The following MYO10 variants were observed in gnomAD, a reference collection of about 807,000 sequenced individuals.
The protein encoded by MYO10 is unconventional myosin-X.
In MYO10, 133 loss-of-function variants were observed where a neutral mutation model predicts 257.3. The ratio of observed to expected loss-of-function variants is 0.52; its 90% CI spans 0.45 to 0.60. MYO10 has a LOEUF of 0.60. Among genes scored for constraint, MYO10 ranks in the 20% least tolerant of loss-of-function variants. The pLI is 0.00. For synonymous variants in MYO10, 1,104 were observed against 1,028.6 expected, an observed-to-expected ratio of 1.07 and a Z score of -1.40; for missense variants, 2,399 against 2,635.7, an observed-to-expected ratio of 0.91 and a Z score of 1.97.
intron 3 of MYO10, among the ~76,000 whole-genome samples, chr5:16,816,337 CA>C (rs369557076): frequency 0.65 from 69,115 of 106,008 alleles, 21,522 homozygotes; most frequent in Non-Finnish European, 0.73. Context: ...GACTCTGTCT[CA>C]AAAAAAAAAA....
intron 1 of MYO10, among the ~76,000 whole-genome samples, chr5:16,878,188 G>A (rs996878119): frequency 6.6e-6 from 1 of 152,112 alleles, no homozygotes; most frequent in Non-Finnish European, 1.5e-5. Context: ...AGAAACTAAT[G>A]GCTCCCATTC....
intron 3 of MYO10, among the ~76,000 whole-genome samples, chr5:16,806,601 T>C (rs1011174431): frequency 1.3e-5 from 2 of 150,024 alleles, no homozygotes; most frequent in South Asian, 2.1e-4. Flanking sequence ...TGAGCCAAGA[T>C]AGTGCCACTG....
At chr5:16,935,667 A>T (rs1235397908) in intron 1 of MYO10, 121 bp downstream of exon 1, 3 of 1,151,594 alleles carry the variant, frequency 2.6e-6, no homozygotes, top group African/African-American at 3.1e-5. Flanking sequence ...TGATTTCAGG[A>T]GACTCCCAGA....
chr5:16,726,818 G>A (rs557380992), intron 19 of MYO10, among the ~76,000 whole-genome samples: 1 of 152,136 alleles, frequency 6.6e-6, no homozygotes, highest in Admixed American at 6.6e-5. Context: ...TAGAGTGAGG[G>A]CTTGTAAACC....
chr5:16,794,699 G>A lies in MYO10; in HGVS notation c.414C>T (p.Asn138=), dbSNP rs376012164. Residue 138 remains asparagine (N), a synonymous_variant, in exon 4 of 41, where the codon AAC becomes AAT. Transcript: ENST00000513610. ...ELPPHIFAIA[N]ECYRCLWKRH... ...GCTTCCACAGGCAGCGGTAGCACTC[G>A]TTGGCGATGGCGAAGATGTGCGGGG... The A allele has an allele frequency of 3.3e-5, 54 of 1,613,436 alleles. No homozygotes were observed. Among genetic ancestry groups the A allele is most frequent in the African/African-American group, 3.2e-4 (24 of 74,922 alleles).
intron 19 of MYO10, among the ~76,000 whole-genome samples, chr5:16,743,408 C>T (rs1418981382): frequency 6.6e-6 from 1 of 152,040 alleles, no homozygotes; most frequent in African/African-American, 2.4e-5. Flanking sequence ...TTTGGGAGGC[C>T]GAGGTGAGTG....
intron 1 of MYO10, among the ~76,000 whole-genome samples, chr5:16,899,628 CAA>C (rs370278252): frequency 1.6e-5 from 2 of 123,360 alleles, no homozygotes; most frequent in Non-Finnish European, 1.7e-5. Flanking sequence ...AACTCAGTTT[CAA>C]AAAAAAAAAA....
Position 16,881,403 on chromosome 5 carries a change from C to T in MYO10, c.22-3696G>A, listed in dbSNP as rs547807054. 1.7e-4 allele frequency among the ~76,000 whole-genome samples: 26 copies of T among 152,268 alleles called. 1 individual carries two copies. In the South Asian group the frequency reaches 5.2e-3, roughly 30 times the overall value. The stretch of plus-strand genomic sequence containing the variant: ...AAGTACTACAAAAGCCCTTTGTTGA[C>T]ACAGTGCTTTATGATCAAATACACA... On this transcript the variant is annotated intron_variant, in intron 1 of 40. Transcript: ENST00000513610.
intron 2 of MYO10, among the ~76,000 whole-genome samples, chr5:16,825,224 T>A (rs185811760): frequency 1.3e-5 from 2 of 152,306 alleles, no homozygotes; most frequent in South Asian, 2.1e-4. Context: ...TCAAATGCTA[T>A]CCTCTCGGAA....
At position 16,683,928 on chromosome 5, in the gene MYO10, A is replaced by T; in HGVS notation, c.3998T>A (p.Leu1333Ter). Reference sequence around the variant, plus strand: ...CACAGAATCAATCAGCCCCACATCCAAGGTGCCCTGGAAAAGAACAAAAAG... The same window carrying T: ...CACAGAATCAATCAGCCCCACATCCTAGGTGCCCTGGAAAAGAACAAAAAG... ...QANPQNAVGTLDVGLIDSVCA... is the reference protein window; with the variant it reads ...QANPQNAVGT Residue 1333 changes from leucine to a stop codon, truncating the protein, a stop_gained, in exon 30 of 41, where the codon TTG (leucine) becomes TAG (stop). Coordinates refer to ENST00000513610, the MANE Select transcript of MYO10 (RefSeq NM_012334.3). LOFTEE classifies it high-confidence loss of function. 1 of 1,613,610 alleles carries T rather than the reference A, an allele frequency of 6.2e-7. No individual in the cohort carries two copies. Among genetic ancestry groups the T allele is most frequent in the Non-Finnish European group, 8.5e-7 (1 of 1,179,758 alleles).
Position 16,853,806 on chromosome 5 carries a change from G to A in MYO10, c.120+23803C>T, listed in dbSNP as rs571644887. On this transcript the variant is annotated intron_variant, in intron 2 of 40. Transcript: ENST00000513610. ...GAGCGGGTCCACACTGTCTACGTAAGTGTGTTCATCAAACCTCTGCTTTCA... is the reference window on the plus strand; with the variant it reads ...GAGCGGGTCCACACTGTCTACGTAAATGTGTTCATCAAACCTCTGCTTTCA... 2.6e-5 allele frequency among the ~76,000 whole-genome samples: 4 copies of A among 152,280 alleles called. No individual in the cohort carries two copies. The South Asian group carries it at 8.3e-4, about 32-fold the overall frequency.
At chr5:16,809,190 C>A (rs1201636901) in intron 3 of MYO10, among the ~76,000 whole-genome samples, 1 of 151,184 alleles carries the variant, frequency 6.6e-6, no homozygotes, top group Non-Finnish European at 1.5e-5. Context: ...GCCAAAAAAA[C>A]CCAGAAAGTC....
intron 1 of MYO10, among the ~76,000 whole-genome samples, chr5:16,925,511 A>G (rs1561063214): frequency 6.6e-6 from 1 of 152,054 alleles, no homozygotes; most frequent in Non-Finnish European, 1.5e-5. Flanking sequence ...CCTGGGTTCA[A>G]GCAATTCTCC....
intron 19 of MYO10, among the ~76,000 whole-genome samples, chr5:16,745,631 C>T (rs528655512): frequency 7.2e-5 from 11 of 151,956 alleles, no homozygotes; most frequent in Non-Finnish European, 1.2e-4. Context: ...AAGGCTTCTG[C>T]GAGTTATGAT....
In MYO10 at chr5:16,666,599, T is replaced by A; in HGVS notation, c.*93A>T. ...CTTCCAGAAAGCCTGGGCAGCTCTG[T>A]GTTTGTTTTGGCTGGGCATGGCACA... On this transcript the variant is annotated 3_prime_UTR_variant, in exon 41 of 41. Transcript: ENST00000513610. The A allele has an allele frequency of 9.7e-7, 1 of 1,026,456 alleles. No homozygotes were observed. Among genetic ancestry groups the A allele is most frequent in the Non-Finnish European group, 1.4e-6 (1 of 708,590 alleles). The allele number at this position is 1,026,456 out of a possible 1,614,324, so 63.6% of individuals were successfully genotyped here.
At chr5:16,849,161 T>C (rs1056918674) in intron 2 of MYO10, among the ~76,000 whole-genome samples, 9 of 152,168 alleles carry the variant, frequency 5.9e-5, no homozygotes, top group Non-Finnish European at 1.2e-4. Context: ...CCTTCCTATT[T>C]GATAACTGAA....
intron 11 of MYO10, 38 bp from the exon 12 acceptor site, chr5:16,764,434 G>A (rs532576459): frequency 4.7e-5 from 76 of 1,609,108 alleles, no homozygotes; most frequent in South Asian, 4.3e-4. Context: ...AGCTGACCCC[G>A]GGCACCCCAG....
At chr5:16,754,466 A>G (rs1464877093) in intron 19 of MYO10, among the ~76,000 whole-genome samples, 1 of 152,138 alleles carries the variant, frequency 6.6e-6, no homozygotes, top group Non-Finnish European at 1.5e-5. Flanking sequence ...AGACAAATAA[A>G]AACTTTAAAA....
chr5:16,825,187 T>C (rs1489708729), intron 2 of MYO10, among the ~76,000 whole-genome samples: 1 of 152,148 alleles, frequency 6.6e-6, no homozygotes, highest in African/African-American at 2.4e-5. Flanking sequence ...ACTGTCTTCC[T>C]GCTACTCTCC....
Sources: gnomAD v4.1 joint callset for allele counts (sites outside exome capture counted in the v4.1 genomes callset) on GRCh38, gnomAD v4.1.1 for gene constraint, MANE v1.5 for transcripts, NCBI Gene and HGNC (gene_info 2026-07-23, HGNC 2026-07-21) for gene names.